Variants in CTNNA3 observed in about 807,000 individuals in gnomAD.
The protein encoded by CTNNA3 is catenin alpha-3.
CTNNA3 carries 76 observed loss-of-function variants against 95.7 expected under a neutral mutation model. The observed-to-expected ratio is 0.79, with a 90% CI of 0.66 to 0.96. The LOEUF is 0.96. Among genes scored for constraint, CTNNA3 ranks in the 40% least tolerant of loss-of-function variants. The pLI is 0.00. For missense variants in CTNNA3, 1,191 were observed against 1,089.8 expected, an observed-to-expected ratio of 1.09 and a Z score of -1.31; for synonymous variants, 431 against 374.4, an observed-to-expected ratio of 1.15 and a Z score of -1.74.
At chr10:67,713,443 C>T (rs1043615810) in intron 1 of CTNNA3, among the ~76,000 whole-genome samples, 1 of 152,126 alleles carries the variant, frequency 6.6e-6, no homozygotes, top group African/African-American at 2.4e-5. Flanking sequence ...GGTATATACC[C>T]AAAGGATTAT....
chr10:66,778,357 GC>G, intron 7 of CTNNA3, among the ~76,000 whole-genome samples: 1 of 152,154 alleles, frequency 6.6e-6, no homozygotes, highest in East Asian at 1.9e-4. Flanking sequence ...TTTTTTCAAA[GC>G]CTTAACAAAT....
intron 12 of CTNNA3, among the ~76,000 whole-genome samples, chr10:66,331,338 G>GCTTGTTTTT: frequency 1.3e-3 from 50 of 39,110 alleles, no homozygotes; most frequent in African/African-American, 2.8e-3. Context: ...TTTCCCCATT[G>GCTTGTTTTT]TTTGTTTTTT....
At chr10:66,848,231 G>A (rs1164466711) in intron 7 of CTNNA3, among the ~76,000 whole-genome samples, 1 of 152,172 alleles carries the variant, frequency 6.6e-6, no homozygotes, top group Non-Finnish European at 1.5e-5. Flanking sequence ...ATCATATATA[G>A]GCAAGATTTT....
intron 10 of CTNNA3, among the ~76,000 whole-genome samples, chr10:66,611,483 G>GT (rs1173625015): frequency 6.6e-6 from 1 of 152,054 alleles, no homozygotes; most frequent in Non-Finnish European, 1.5e-5. Context: ...GGACTTTATG[G>GT]TAAAAAGTCT....
intron 3 of CTNNA3, among the ~76,000 whole-genome samples, chr10:67,579,418 G>T (rs1180359253): frequency 1.2e-4 from 19 of 152,056 alleles, no homozygotes; most frequent in Admixed American, 2.6e-4. Context: ...ATTCCATGGG[G>T]TATATGTGCC....
At chr10:67,199,554 A>G (rs1863542211) in intron 6 of CTNNA3, among the ~76,000 whole-genome samples, 1 of 152,066 alleles carries the variant, frequency 6.6e-6, no homozygotes, top group African/African-American at 2.4e-5. Flanking sequence ...TATTTTTAGT[A>G]GAGACAGGGT....
intron 5 of CTNNA3, among the ~76,000 whole-genome samples, chr10:67,333,799 CTACTAGATTA>C (rs146776951): frequency 0.014 from 2,072 of 152,084 alleles, 50 homozygotes; most frequent in African/African-American, 0.047. Context: ...AATGAGAGGT[CTACTAGATTA>C]TACATGGCAC....
intron 10 of CTNNA3, among the ~76,000 whole-genome samples, chr10:66,595,064 AAAC>A (rs1843667949): frequency 1.3e-5 from 2 of 152,192 alleles, no homozygotes; most frequent in African/African-American, 4.8e-5. Context: ...CCCCCAGAAG[AAAC>A]AACAATTTTA....
chr10:66,865,872 T>C (rs1844154919), intron 7 of CTNNA3, among the ~76,000 whole-genome samples: 1 of 152,112 alleles, frequency 6.6e-6, no homozygotes, highest in Non-Finnish European at 1.5e-5. Context: ...ATATGTAATA[T>C]GCATTTTTTC....
At chr10:65,954,579 G>T (rs1188434546) in intron 17 of CTNNA3, among the ~76,000 whole-genome samples, 2 of 152,118 alleles carry the variant, frequency 1.3e-5, no homozygotes, top group Non-Finnish European at 2.9e-5. Flanking sequence ...TGTAAGGAAG[G>T]GATCCAGTTT....
At chr10:66,137,927 G>A (rs1589521787) in intron 13 of CTNNA3, among the ~76,000 whole-genome samples, 1 of 152,154 alleles carries the variant, frequency 6.6e-6, no homozygotes, top group East Asian at 1.9e-4. Flanking sequence ...TCCAGCATGG[G>A]CAACAGAGCC....
intron 12 of CTNNA3, among the ~76,000 whole-genome samples, chr10:66,364,219 T>C (rs1228436881): frequency 6.6e-6 from 1 of 151,132 alleles, no homozygotes; most frequent in Non-Finnish European, 1.5e-5. Flanking sequence ...ATTAGAACAA[T>C]AGCAAAAACA....
rs113462294 is a variant in CTNNA3 at position 66,926,236 on chromosome 10, C to T, written c.1048-150712G>A. Reference sequence around the variant, plus strand: ...GCCTGGAAGAATACATCATGTTTTTCGATAAGAAGAAATTGTAGGATCCAG... The same window carrying T: ...GCCTGGAAGAATACATCATGTTTTTTGATAAGAAGAAATTGTAGGATCCAG... On this transcript the variant is annotated intron_variant, in intron 7 of 17. Transcript: ENST00000433211. The T allele has an allele frequency of 9.7e-4, 445 of 459,136 alleles. 1 individual carries two copies. The highest frequency in any genetic ancestry group is 7.7e-3 in the African/African-American group (382 of 49,868). The allele number at this position is 459,136 out of a possible 1,614,324, so 28.4% of individuals were successfully genotyped here. A position where few individuals can be genotyped will look rare whatever the true frequency, so the allele number is the denominator to read the frequency against.
intron 10 of CTNNA3, among the ~76,000 whole-genome samples, chr10:66,552,236 A>G (rs1842242414): frequency 6.6e-6 from 1 of 152,106 alleles, no homozygotes; most frequent in Admixed American, 6.6e-5. Context: ...GACTTTCTCT[A>G]TGCTGGGATT....
chr10:65,922,641 C>T (rs953554221), intron 17 of CTNNA3, among the ~76,000 whole-genome samples: 1 of 151,982 alleles, frequency 6.6e-6, no homozygotes, highest in Non-Finnish European at 1.5e-5. Flanking sequence ...CCTGATTAAC[C>T]AAACTTTTTT....
At chr10:67,093,358 C>T (rs1034175460) in intron 7 of CTNNA3, among the ~76,000 whole-genome samples, 2 of 151,730 alleles carry the variant, frequency 1.3e-5, no homozygotes, top group African/African-American at 4.8e-5. Context: ...CAAAATGGGA[C>T]GATAAGCATA....
At chr10:66,506,113 C>G (rs189280199) in intron 11 of CTNNA3, among the ~76,000 whole-genome samples, 2 of 152,082 alleles carry the variant, frequency 1.3e-5, no homozygotes, top group Admixed American at 6.6e-5. Flanking sequence ...GTGCCAGGCT[C>G]TTTCAAATAA....
At chr10:67,290,265 C>T (rs1839782801) in intron 5 of CTNNA3, among the ~76,000 whole-genome samples, 1 of 152,152 alleles carries the variant, frequency 6.6e-6, no homozygotes. Context: ...ACCTGCACAA[C>T]TTGTGTGGCA....
At chr10:66,093,089 A>C (rs1045659106) in intron 14 of CTNNA3, among the ~76,000 whole-genome samples, 2 of 152,000 alleles carry the variant, frequency 1.3e-5, no homozygotes, top group African/African-American at 2.4e-5. Context: ...ATATTTGGTA[A>C]AAATCTTTCC....
Sources: allele counts gnomAD v4.1 joint callset (sites outside exome capture counted in the v4.1 genomes callset), GRCh38; gene constraint gnomAD v4.1.1; transcripts MANE v1.5; gene names NCBI Gene and HGNC (gene_info 2026-07-23, HGNC 2026-07-21).